WDR4: variants seen among roughly 807,000 people sequenced by gnomAD.
The protein encoded by WDR4 is tRNA (guanine-N(7)-)-methyltransferase non-catalytic subunit WDR4.
Under a neutral mutation model 48.6 loss-of-function variants are expected in WDR4, and 47 were observed. The observed-to-expected ratio is 0.97, with a 90% CI of 0.77 to 1.23. The LOEUF is 1.23. Among genes scored for constraint, WDR4 ranks in the 50% most tolerant of loss-of-function variants. The pLI, the probability that WDR4 is intolerant of heterozygous loss-of-function variation, is 0.00. For missense variants in WDR4, 606 were observed against 551.6 expected, an observed-to-expected ratio of 1.10 and a Z score of -0.99; for synonymous variants, 268 against 230.0, an observed-to-expected ratio of 1.17 and a Z score of -1.49.
At chr21:42,844,826 T>A (rs2057697550), downstream of WDR4, among the ~76,000 whole-genome samples, 2 of 152,152 alleles carry the variant, frequency 1.3e-5, no homozygotes, top group Admixed American at 1.3e-4. Flanking sequence ...GTTGCTAAAC[T>A]CCTGCAGACT....
chr21:42,870,987 C>T (rs896715096), intron 3 of WDR4, among the ~76,000 whole-genome samples: 1 of 152,162 alleles, frequency 6.6e-6, no homozygotes, highest in Non-Finnish European at 1.5e-5. Flanking sequence ...CCCTGACCTA[C>T]CTAGGACCTC....
intron 11 of WDR4, among the ~76,000 whole-genome samples, chr21:42,843,817 C>T (rs2057686900): frequency 6.6e-6 from 1 of 152,064 alleles, no homozygotes; most frequent in African/African-American, 2.4e-5. Context: ...CACTGTCCTC[C>T]CAAAATGCTG....
chr21:42,887,722 A>G, the WDR4 span, among the ~76,000 whole-genome samples: 1 of 152,178 alleles, frequency 6.6e-6, no homozygotes, highest in African/African-American at 2.4e-5. Flanking sequence ...TAAATTTACC[A>G]GCCTGGCCAA....
intron 3 of WDR4, among the ~76,000 whole-genome samples, chr21:42,863,837 T>G (rs1019935793): frequency 6.6e-6 from 1 of 150,588 alleles, no homozygotes; most frequent in African/African-American, 2.5e-5. Context: ...CCGGGCGCAG[T>G]GGCTCACACC....
At chr21:42,846,115 AC>A (rs1217030414), downstream of WDR4, among the ~76,000 whole-genome samples, 3 of 151,890 alleles carry the variant, frequency 2.0e-5, no homozygotes, top group South Asian at 2.1e-4. Flanking sequence ...ACAGAGCAAG[AC>A]CCTGTCTCTA....
the WDR4 span, among the ~76,000 whole-genome samples, chr21:42,889,231 C>T: frequency 2.6e-5 from 4 of 152,154 alleles, no homozygotes; most frequent in Admixed American, 6.6e-5. Flanking sequence ...GATCCGCCAA[C>T]CTCGGCCTCC....
At chr21:42,843,374 T>C (rs1466917425) in intron 11 of WDR4, 3 of 150,930 alleles carry the variant, frequency 2.0e-5, no homozygotes, top group Non-Finnish European at 2.9e-5. Context: ...AGCATGATTA[T>C]GATTAAAAGA....
At chr21:42,867,990 C>G (rs2058804725) in intron 3 of WDR4, among the ~76,000 whole-genome samples, 1 of 152,178 alleles carries the variant, frequency 6.6e-6, no homozygotes, top group African/African-American at 2.4e-5. Context: ...GAAGAGGCCC[C>G]CCACCCGCCC....
intron 1 of WDR4, among the ~76,000 whole-genome samples, chr21:42,877,943 G>A (rs1299978739): frequency 1.3e-5 from 2 of 151,338 alleles, no homozygotes; most frequent in African/African-American, 4.9e-5. Flanking sequence ...TACTCGGGAG[G>A]CTGAGGCAGG....
chr21:42,846,312 A>G (rs1039947742), downstream of WDR4, among the ~76,000 whole-genome samples: 6 of 152,224 alleles, frequency 3.9e-5, no homozygotes, highest in African/African-American at 1.4e-4. Flanking sequence ...ACAGGCAACA[A>G]GGTGGATGAG....
At chr21:42,859,260 GAAAGAAAAA>G (rs1299814084) in intron 6 of WDR4, among the ~76,000 whole-genome samples, 6 of 151,306 alleles carry the variant, frequency 4.0e-5, no homozygotes, top group Admixed American at 2.0e-4. Context: ...AAAAAAGAAA[GAAAGAAAAA>G]AAGGAAAGAA....
At position 42,855,686 on chromosome 21, in the gene WDR4, G is replaced by A. The variant is rs1372795105; in HGVS notation, c.722C>T (p.Pro241Leu). The change falls in exon 7 of 11, where the codon CCC (proline) becomes CTC (leucine). Residue 241 changes from proline to leucine, a missense_variant. Transcript: ENST00000398208. ...SLQELVDPQA[P>L]QKFAASRIAF... is the part of the protein sequence containing the mutation. ...GGAGTGAACAGAAGCAGCTACCTGG[G>A]GGGCCTGGGGGTCCACCAGCTCCTG... 1.0e-5 allele frequency: 16 copies of A among 1,550,912 alleles called. No individual in the cohort carries two copies. The highest frequency in any genetic ancestry group is 4.9e-5 in the East Asian group (2 of 41,104).
chr21:42,850,763 G>GGT (rs1378720893), intron 10 of WDR4, among the ~76,000 whole-genome samples: 1 of 152,206 alleles, frequency 6.6e-6, no homozygotes, highest in Non-Finnish European at 1.5e-5. Context: ...GTAAGGGTGG[G>GGT]GTGCCTTAAG....
chr21:42,850,316 G>C (rs1426497499), intron 10 of WDR4, 74 bp from the exon 11 acceptor site: 1 of 1,380,342 alleles, frequency 7.2e-7, no homozygotes, highest in Non-Finnish European at 9.8e-7. Flanking sequence ...CGGGCCCCCT[G>C]CAGCAGGGAG....
At chr21:42,855,613 C>G (rs1169975840) in intron 7 of WDR4, 69 bp downstream of exon 7, 1 of 1,227,136 alleles carries the variant, frequency 8.1e-7, no homozygotes, top group East Asian at 2.7e-5. Context: ...AGTGACTTTT[C>G]CACTCAAGTC....
chr21:42,853,361 C>T (rs1349532748), intron 9 of WDR4, among the ~76,000 whole-genome samples: 2 of 152,236 alleles, frequency 1.3e-5, no homozygotes, highest in Non-Finnish European at 2.9e-5. Flanking sequence ...CCACATGGGA[C>T]AAGCCAGCCA....
chr21:42,845,179 A>C (rs911176446), downstream of WDR4, among the ~76,000 whole-genome samples: 1 of 152,244 alleles, frequency 6.6e-6, no homozygotes, highest in Non-Finnish European at 1.5e-5. Context: ...ATCTAAAGAG[A>C]GGGAAGTCAG....
chr21:42,856,963 G>A (rs530357212), intron 6 of WDR4, among the ~76,000 whole-genome samples: 2 of 152,216 alleles, frequency 1.3e-5, no homozygotes, highest in South Asian at 4.2e-4. Flanking sequence ...AGGCAGCCGC[G>A]GAGAGACAGC....
intron 5 of WDR4, among the ~76,000 whole-genome samples, chr21:42,860,990 T>G (rs1290704230): frequency 1.3e-5 from 2 of 152,072 alleles, no homozygotes; most frequent in African/African-American, 4.8e-5. Flanking sequence ...GGGGCTTTGT[T>G]TTCAATTTGC....
Sources: gnomAD v4.1 joint callset for allele counts (sites outside exome capture counted in the v4.1 genomes callset) on GRCh38, gnomAD v4.1.1 for gene constraint, MANE v1.5 for transcripts, NCBI Gene and HGNC (gene_info 2026-07-23, HGNC 2026-07-21) for gene names.